The following ACTR5 variants were observed in gnomAD, a reference collection of about 807,000 sequenced individuals.
ACTR5 encodes the protein actin related protein 5, also known as actin-related protein 5.
In ACTR5, 43 loss-of-function variants were observed where a neutral mutation model predicts 61.2. The observed-to-expected ratio is 0.70, with a 90% CI of 0.55 to 0.91. The LOEUF is 0.91. Ranked by LOEUF, ACTR5 falls within the 40% of genes least tolerant of loss-of-function variation. The probability of loss-of-function intolerance (pLI) is 0.00; values close to 1 mark genes in which losing one functional copy is unlikely to be tolerated. For synonymous variants in ACTR5, 333 were observed against 310.5 expected, an observed-to-expected ratio of 1.07 and a Z score of -0.76; for missense variants, 798 against 782.2, an observed-to-expected ratio of 1.02 and a Z score of -0.24.
chr20:38,750,267 C>T (rs376038989), intron 2 of ACTR5, 28 bp downstream of exon 2: 4 of 1,583,128 alleles, frequency 2.5e-6, no homozygotes, highest in East Asian at 2.2e-5. Context: ...CATTTGAGTG[C>T]GATTTTGAGA....
At chr20:38,764,603 T>C (rs376177832) in intron 5 of ACTR5, among the ~76,000 whole-genome samples, 10 of 152,326 alleles carry the variant, frequency 6.6e-5, no homozygotes, top group South Asian at 2.1e-4. Context: ...GAGCCTCTAG[T>C]CGCATTCCCA....
In ACTR5 at chr20:38,766,306, T is replaced by G; in HGVS notation, c.1362T>G (p.Ile454Met). 6 of 1,614,018 alleles carry G rather than the reference T, an allele frequency of 3.7e-6. No individual in the cohort carries two copies. The highest frequency in any genetic ancestry group is 4.2e-6 in the Non-Finnish European group (5 of 1,180,018). ...CAGAAAGAATTCGAGCTCCAGAGAT[T>G]ATTTTCCAGCCATCTCTCATAGGAG... ...VGTERIRAPEIIFQPSLIGEE... is the reference protein window; with the variant it reads ...VGTERIRAPEMIFQPSLIGEE... Residue 454 changes from isoleucine to methionine, a missense_variant, in exon 7 of 9, where the codon ATT becomes ATG. Coordinates refer to ENST00000243903, the MANE Select transcript of ACTR5 (RefSeq NM_024855.4).
At chr20:38,763,919 A>T (rs961983441) in intron 5 of ACTR5, among the ~76,000 whole-genome samples, 1 of 152,168 alleles carries the variant, frequency 6.6e-6, no homozygotes, top group Non-Finnish European at 1.5e-5. Flanking sequence ...ACATGAAGAA[A>T]CATTCACTTT....
intron 3 of ACTR5, among the ~76,000 whole-genome samples, chr20:38,754,451 G>A (rs758146381): frequency 6.6e-6 from 1 of 152,212 alleles, no homozygotes; most frequent in South Asian, 2.1e-4. Flanking sequence ...GGGCATGGGG[G>A]CTCATAGCTG....
intron 7 of ACTR5, 28 bp from the exon 8 acceptor site, chr20:38,767,436 A>C (rs771761055): frequency 6.3e-7 from 1 of 1,596,104 alleles, no homozygotes; most frequent in Non-Finnish European, 8.6e-7. Context: ...GAGTTAAGGG[A>C]CTATATTAGG....
intron 5 of ACTR5, among the ~76,000 whole-genome samples, chr20:38,756,877 C>A (rs1235630927): frequency 6.6e-6 from 1 of 152,198 alleles, no homozygotes; most frequent in African/African-American, 2.4e-5. Flanking sequence ...GCACTCCAGC[C>A]TGGGCAACAA....
At chr20:38,759,231 C>T (rs142402845) in intron 5 of ACTR5, among the ~76,000 whole-genome samples, 81 of 152,256 alleles carry the variant, frequency 5.3e-4, no homozygotes, top group African/African-American at 1.9e-3. Flanking sequence ...CTTCTTATGC[C>T]GCTCAAGGCT....
chr20:38,749,788 G>C (rs557586350), intron 1 of ACTR5, among the ~76,000 whole-genome samples: 11 of 152,324 alleles, frequency 7.2e-5, no homozygotes, highest in African/African-American at 2.6e-4. Flanking sequence ...AACACGATTT[G>C]CTGACAGTTT....
chr20:38,749,943 G>T (rs2084376320), intron 1 of ACTR5, 67 bp from the exon 2 acceptor site: 1 of 1,415,332 alleles, frequency 7.1e-7, no homozygotes, highest in Non-Finnish European at 9.7e-7. Context: ...AGGATTTTGG[G>T]TTCTTTTATG....
chr20:38,754,411 C>G (rs1601195288), intron 3 of ACTR5, among the ~76,000 whole-genome samples: 1 of 151,972 alleles, frequency 6.6e-6, no homozygotes, highest in East Asian at 2.0e-4. Context: ...AATGCTGGTA[C>G]TGACTTTAAA....
intron 1 of ACTR5, among the ~76,000 whole-genome samples, chr20:38,749,723 G>A (rs982216087): frequency 2.0e-5 from 3 of 152,224 alleles, no homozygotes; most frequent in African/African-American, 7.2e-5. Flanking sequence ...GAGGCAGATA[G>A]CAGGGAATGT....
At chr20:38,756,066 C>A (rs751870107) in intron 5 of ACTR5, 27 bp downstream of exon 5, 2 of 1,591,640 alleles carry the variant, frequency 1.3e-6, no homozygotes, top group Non-Finnish European at 1.7e-6. Context: ...GAAGGAGCAG[C>A]CCTTCTTGAG....
intron 5 of ACTR5, among the ~76,000 whole-genome samples, chr20:38,758,768 C>T (rs1383240534): frequency 6.6e-6 from 1 of 152,096 alleles, no homozygotes; most frequent in Non-Finnish European, 1.5e-5. Flanking sequence ...TAAACTTGAC[C>T]ATGACAATGG....
At chr20:38,765,550 T>G (rs1239609324) in intron 6 of ACTR5, 32 bp downstream of exon 6, 2 of 1,561,140 alleles carry the variant, frequency 1.3e-6, no homozygotes, top group South Asian at 1.1e-5. Flanking sequence ...ACATGCTTAT[T>G]CTTTGAAGGT....
At chr20:38,759,989 C>T (rs763331721) in intron 5 of ACTR5, among the ~76,000 whole-genome samples, 49 of 151,550 alleles carry the variant, frequency 3.2e-4, no homozygotes, top group Admixed American at 5.3e-4. Flanking sequence ...GTCACATAGA[C>T]CCCATCTCTA....
At chr20:38,757,399 C>G (rs1464922953) in intron 5 of ACTR5, among the ~76,000 whole-genome samples, 1 of 151,410 alleles carries the variant, frequency 6.6e-6, no homozygotes, top group Non-Finnish European at 1.5e-5. Flanking sequence ...TCTGTCATCC[C>G]TAGAATTCCA....
chr20:38,753,261 A>G (rs2084397872), intron 3 of ACTR5, among the ~76,000 whole-genome samples: 1 of 151,860 alleles, frequency 6.6e-6, no homozygotes, highest in African/African-American at 2.4e-5. Flanking sequence ...ATAAAGAGAG[A>G]GCATGAGGGA....
At chr20:38,759,331 C>G (rs1227538978) in intron 5 of ACTR5, among the ~76,000 whole-genome samples, 1 of 152,186 alleles carries the variant, frequency 6.6e-6, no homozygotes, top group Non-Finnish European at 1.5e-5. Context: ...ATTAGTGTTT[C>G]TGAACGCCAC....
At chr20:38,753,420 A>G (rs1468421570) in intron 3 of ACTR5, among the ~76,000 whole-genome samples, 1 of 151,832 alleles carries the variant, frequency 6.6e-6, no homozygotes, top group Non-Finnish European at 1.5e-5. Flanking sequence ...CAAAGGCATG[A>G]TGTTGAGTAA....
Sources: gnomAD v4.1 joint callset for allele counts (sites outside exome capture counted in the v4.1 genomes callset) on GRCh38, gnomAD v4.1.1 for gene constraint, MANE v1.5 for transcripts, NCBI Gene and HGNC (gene_info 2026-07-23, HGNC 2026-07-21) for gene names.